The following NUDT3 variants were observed in gnomAD, a reference collection of about 807,000 sequenced individuals.
The protein encoded by NUDT3 is diphosphoinositol polyphosphate phosphohydrolase 1.
In NUDT3, 9 loss-of-function variants were observed where a neutral mutation model predicts 23.6. The ratio of observed to expected loss-of-function variants is 0.38; its 90% CI spans 0.23 to 0.66. NUDT3 has a LOEUF of 0.66. NUDT3 is among the 30% of genes least tolerant of loss of function. The pLI, the probability that NUDT3 is intolerant of heterozygous loss-of-function variation, is 0.52. For synonymous variants in NUDT3, 86 were observed against 82.6 expected, an observed-to-expected ratio of 1.04 and a Z score of -0.22; for missense variants, 172 against 218.5, an observed-to-expected ratio of 0.79 and a Z score of 1.34.
At chr6:34,343,583 T>C (rs1455071693) in intron 1 of NUDT3, among the ~76,000 whole-genome samples, 2 of 151,324 alleles carry the variant, frequency 1.3e-5, no homozygotes, top group Non-Finnish European at 2.9e-5. Flanking sequence ...TCAGACCTTA[T>C]ACAAAATCAA....
Position 34,280,671 on chromosome 6 carries a change from C to T in NUDT3, c.*8082G>A, listed in dbSNP as rs1763270208. ...TAAACAGGAGATCTATATATGCTCT[C>T]ATCCTGCAACCCAAGAGATTAGGTG... On this transcript the variant is annotated 3_prime_UTR_variant, in exon 5 of 5. Coordinates refer to ENST00000607016, the MANE Select transcript of NUDT3 (RefSeq NM_006703.4). 1 of 152,198 alleles carries T rather than the reference C, an allele frequency of 6.6e-6. No homozygotes were observed. Among genetic ancestry groups the T allele is most frequent in the African/African-American group, 2.4e-5 (1 of 41,456 alleles). The allele number at this position is 152,198 out of a possible 1,614,324, so 9.4% of individuals were successfully genotyped here. A position where few individuals can be genotyped will look rare whatever the true frequency, so the allele number is the denominator to read the frequency against.
intron 1 of NUDT3, among the ~76,000 whole-genome samples, chr6:34,342,290 A>C (rs1253945118): frequency 1.4e-5 from 1 of 73,276 alleles, no homozygotes; most frequent in Non-Finnish European, 2.4e-5. Flanking sequence ...AGAAGACTTC[A>C]AAAAAAAAAA....
At chr6:34,324,350 G>A (rs1468794454) in intron 2 of NUDT3, among the ~76,000 whole-genome samples, 1 of 144,834 alleles carries the variant, frequency 6.9e-6, no homozygotes. Context: ...GCAAGACTAC[G>A]CTTCCAAAAA....
intron 2 of NUDT3, among the ~76,000 whole-genome samples, chr6:34,321,771 G>A (rs1763946034): frequency 6.6e-6 from 1 of 152,018 alleles, no homozygotes; most frequent in South Asian, 2.1e-4. Flanking sequence ...GAAGCACACA[G>A]CATACCTATG....
At chr6:34,340,788 T>C (rs1452255502) in intron 2 of NUDT3, among the ~76,000 whole-genome samples, 1 of 152,208 alleles carries the variant, frequency 6.6e-6, no homozygotes, top group African/African-American at 2.4e-5. Context: ...AAAGTAAGGA[T>C]TTTTGATGGG....
chr6:34,297,117 A>T (rs192008779), intron 2 of NUDT3, among the ~76,000 whole-genome samples: 277 of 151,962 alleles, frequency 1.8e-3, no homozygotes, highest in African/African-American at 6.1e-3. Context: ...ATTTTTTAGT[A>T]GAGACAGGGT....
chr6:34,366,369 T>G (rs1167546887), intron 1 of NUDT3, among the ~76,000 whole-genome samples: 2 of 148,812 alleles, frequency 1.3e-5, no homozygotes, highest in Admixed American at 6.8e-5. Flanking sequence ...GAGCAAGACC[T>G]TGTCGAAAAA....
intron 2 of NUDT3, among the ~76,000 whole-genome samples, chr6:34,318,254 G>T (rs973920173): frequency 2.6e-5 from 4 of 152,108 alleles, no homozygotes; most frequent in Non-Finnish European, 5.9e-5. Context: ...ACAATTGCTC[G>T]ATTGCTTCAC....
chr6:34,381,853 T>A (rs1456070807), intron 1 of NUDT3, among the ~76,000 whole-genome samples: 1 of 151,634 alleles, frequency 6.6e-6, no homozygotes. Context: ...GGCAGGCAGA[T>A]CACGAGGTCA....
intron 2 of NUDT3, among the ~76,000 whole-genome samples, chr6:34,304,286 G>A (rs1020295205): frequency 6.7e-6 from 1 of 150,014 alleles, no homozygotes; most frequent in Admixed American, 6.7e-5. Flanking sequence ...GTTTGCTATC[G>A]CTGGGCATGG....
At chr6:34,385,235 T>C (rs569224283) in intron 1 of NUDT3, among the ~76,000 whole-genome samples, 19 of 152,096 alleles carry the variant, frequency 1.2e-4, no homozygotes, top group South Asian at 4.1e-4. Context: ...GAAGGGAGGA[T>C]CACTTGAGCC....
chr6:34,322,961 C>T (rs1207915730), intron 2 of NUDT3, among the ~76,000 whole-genome samples: 1 of 152,206 alleles, frequency 6.6e-6, no homozygotes, highest in African/African-American at 2.4e-5. Context: ...AACATGGTTA[C>T]AGCTGGAGCC....
intron 1 of NUDT3, among the ~76,000 whole-genome samples, chr6:34,358,305 CTA>C: frequency 6.7e-6 from 1 of 150,048 alleles, no homozygotes; most frequent in East Asian, 2.0e-4. Flanking sequence ...CTTATAATTT[CTA>C]CAGGAATCAA....
intron 1 of NUDT3, among the ~76,000 whole-genome samples, chr6:34,368,284 C>T (rs910071592): frequency 1.3e-5 from 2 of 152,204 alleles, no homozygotes; most frequent in East Asian, 3.9e-4. Flanking sequence ...AGGACTACTT[C>T]AAGCTGCTTT....
intron 2 of NUDT3, among the ~76,000 whole-genome samples, chr6:34,327,510 T>C (rs905587714): frequency 1.4e-5 from 2 of 138,420 alleles, no homozygotes; most frequent in Non-Finnish European, 3.0e-5. Context: ...AGCCTAGCAA[T>C]AGGGCGAGAC....
intron 1 of NUDT3, among the ~76,000 whole-genome samples, chr6:34,360,248 A>G (rs1244363004): frequency 2.6e-5 from 4 of 151,220 alleles, no homozygotes; most frequent in Non-Finnish European, 5.9e-5. Context: ...AAAAAAAAAA[A>G]AAAAAAAAAA....
intron 2 of NUDT3, among the ~76,000 whole-genome samples, chr6:34,320,502 G>A (rs555008331): frequency 2.0e-5 from 3 of 152,198 alleles, no homozygotes; most frequent in African/African-American, 7.2e-5. Context: ...GATTACAGGC[G>A]TGAGCCACTG....
intron 2 of NUDT3, 33 bp from the exon 3 acceptor site, chr6:34,295,718 T>A (rs777940624): frequency 6.2e-7 from 1 of 1,610,920 alleles, no homozygotes; most frequent in South Asian, 1.1e-5. Context: ...AATGCACTGA[T>A]AGTATTATAT....
At chr6:34,370,311 C>T (rs1341647979) in intron 1 of NUDT3, among the ~76,000 whole-genome samples, 1 of 152,242 alleles carries the variant, frequency 6.6e-6, no homozygotes, top group Non-Finnish European at 1.5e-5. Context: ...GTTGGTCTGA[C>T]CACTTGATGC....
Sources: gnomAD v4.1 joint callset for allele counts (sites outside exome capture counted in the v4.1 genomes callset) on GRCh38, gnomAD v4.1.1 for gene constraint, MANE v1.5 for transcripts, NCBI Gene and HGNC (gene_info 2026-07-23, HGNC 2026-07-21) for gene names.